Variants in C10orf67 observed in about 807,000 individuals in gnomAD.
C10orf67 encodes chromosome 10 open reading frame 67, also known as uncharacterized protein C10orf67, mitochondrial.
C10orf67 carries 60 observed loss-of-function variants against 35.6 expected under a neutral mutation model. The observed-to-expected ratio is 1.68, with a 90% CI of 1.37 to 2.09. C10orf67 has a LOEUF of 2.09. Ranked by LOEUF, C10orf67 falls within the 30% of genes most tolerant of loss-of-function variation. The pLI, the probability that C10orf67 is intolerant of heterozygous loss-of-function variation, is 0.00. For missense variants in C10orf67, 474 were observed against 330.2 expected (o/e 1.44, Z -3.38); for synonymous variants, 167 against 115.8 (o/e 1.44, Z -2.84).
At chr10:23,249,131 C>CAAAAAAAAAAAA (rs57702096) in intron 12 of C10orf67, among the ~76,000 whole-genome samples, 4 of 21,558 alleles carry the variant, frequency 1.9e-4, no homozygotes, top group Non-Finnish European at 2.0e-4. Flanking sequence ...AACTCCCTCT[C>CAAAAAAAAAAAA]AAAAAAAAAA....
chr10:23,265,208 C>T (rs1323018547), intron 10 of C10orf67, among the ~76,000 whole-genome samples: 1 of 152,240 alleles, frequency 6.6e-6, no homozygotes, highest in Non-Finnish European at 1.5e-5. Flanking sequence ...CAAGCCTGGC[C>T]TTGCTCTACT....
chr10:23,293,645 A>T (rs1348793306), intron 5 of C10orf67, among the ~76,000 whole-genome samples: 2 of 152,230 alleles, frequency 1.3e-5, no homozygotes, highest in African/African-American at 4.8e-5. Context: ...GCAATCCATG[A>T]TCATTCTGGA....
chr10:23,279,952 G>T (rs1843318866), intron 8 of C10orf67, among the ~76,000 whole-genome samples: 1 of 152,090 alleles, frequency 6.6e-6, no homozygotes, highest in Non-Finnish European at 1.5e-5. Context: ...AGGCTCAAGT[G>T]ATCCTCACAC....
In C10orf67 at chr10:23,344,629, C is replaced by G; in HGVS notation, c.146G>C (p.Cys49Ser). The stretch of plus-strand genomic sequence containing the variant: ...CCGAGCTTCTCGCTTCCTACGCGCG[C>G]AGCAGACCCGCAGCTCGGTGGCCTT... ...KAKATELRVC[C>S]ARRKREAREF... Residue 49 changes from cysteine (C) to serine (S), a missense_variant, in exon 1 of 16, where the codon TGC becomes TCC. Cys to Ser is a moderately radical substitution (Grantham distance 112). Transcript: ENST00000636213. The G allele has an allele frequency of 6.3e-7, 1 of 1,584,730 alleles. No individual in the cohort carries two copies. The highest frequency in any genetic ancestry group is 8.6e-7 in the Non-Finnish European group (1 of 1,166,120).
chr10:23,336,075 GTGGGTCAGT>G (rs1238068116), intron 1 of C10orf67, among the ~76,000 whole-genome samples: 1 of 152,210 alleles, frequency 6.6e-6, no homozygotes, highest in Non-Finnish European at 1.5e-5. Flanking sequence ...GGCTAAGAAT[GTGGGTCAGT>G]TGGGGGAACA....
chr10:23,224,688 GT>G lies in C10orf67; in HGVS notation c.1435-871del, dbSNP rs557842133. On this transcript the variant is annotated intron_variant, in intron 13 of 15. Coordinates refer to ENST00000636213, the MANE Select transcript of C10orf67 (RefSeq NM_001371909.1). ...TAGTGTAGAGAAGTCCTTAAAGGAC[GT>G]GATGGAGCTGAAAACCATGGCACAA... Among the ~76,000 whole-genome samples the G allele has an allele frequency of 3.0e-3, 457 of 152,288 alleles. 4 individuals carry two copies. The highest frequency in any genetic ancestry group is 0.01 in the African/African-American group (436 of 41,562).
chr10:23,275,661 G>T (rs566042665), intron 8 of C10orf67, among the ~76,000 whole-genome samples: 2 of 152,086 alleles, frequency 1.3e-5, no homozygotes, highest in Non-Finnish European at 2.9e-5. Context: ...TCTGTTTAGT[G>T]CAGATGAGTA....
intron 10 of C10orf67, among the ~76,000 whole-genome samples, chr10:23,264,680 C>A (rs1842840035): frequency 6.6e-6 from 1 of 152,194 alleles, no homozygotes; most frequent in South Asian, 2.1e-4. Context: ...AGCTGGAATT[C>A]TAGGATTTAG....
At chr10:23,286,420 GGAGGGGAGGGGAGGGAGGGGAGGT>G (rs1387083009) in intron 7 of C10orf67, among the ~76,000 whole-genome samples, 1 of 53,928 alleles carries the variant, frequency 1.9e-5, no homozygotes, top group Non-Finnish European at 3.8e-5. Context: ...GGAGGGGAGG[GGAGGGGAGGGGAGGGAGGGGAGGT>G]GAGGGGAGGG....
In C10orf67 at chr10:23,344,629, C is replaced by A. The variant is rs1846069458; in HGVS notation, c.146G>T (p.Cys49Phe). Residue 49 changes from cysteine (C) to phenylalanine (F), a missense_variant, in exon 1 of 16, where the codon TGC becomes TTC. By Grantham distance (205) the Cys-to-Phe change is radical. Coordinates refer to ENST00000636213, the MANE Select transcript of C10orf67 (RefSeq NM_001371909.1). Reference sequence around the variant, plus strand: ...CCGAGCTTCTCGCTTCCTACGCGCGCAGCAGACCCGCAGCTCGGTGGCCTT... The same window carrying A: ...CCGAGCTTCTCGCTTCCTACGCGCGAAGCAGACCCGCAGCTCGGTGGCCTT... ...KAKATELRVCCARRKREAREF... is the reference protein window; with the variant it reads ...KAKATELRVCFARRKREAREF... 1 of 1,584,730 alleles carries A rather than the reference C, an allele frequency of 6.3e-7. No homozygotes were observed. The highest frequency in any genetic ancestry group is 8.6e-7 in the Non-Finnish European group (1 of 1,166,120).
chr10:23,214,252 TAA>T (rs1172077522), intron 15 of C10orf67, among the ~76,000 whole-genome samples: 1 of 152,046 alleles, frequency 6.6e-6, no homozygotes, highest in Non-Finnish European at 1.5e-5. Flanking sequence ...TCAGAAAACA[TAA>T]GAGATTAGGC....
intron 12 of C10orf67, among the ~76,000 whole-genome samples, chr10:23,249,410 G>A (rs1842394518): frequency 6.6e-6 from 1 of 152,158 alleles, no homozygotes; most frequent in South Asian, 2.1e-4. Context: ...CAGGGCAGGT[G>A]TTAATATGCA....
chr10:23,240,221 C>G (rs1049820135), intron 12 of C10orf67, among the ~76,000 whole-genome samples: 1 of 152,086 alleles, frequency 6.6e-6, no homozygotes, highest in Non-Finnish European at 1.5e-5. Context: ...CACACACACA[C>G]AAACCACACA....
At chr10:23,265,280 G>T (rs57182217) in intron 10 of C10orf67, among the ~76,000 whole-genome samples, 206 of 152,346 alleles carry the variant, frequency 1.4e-3, no homozygotes, top group African/African-American at 4.9e-3. Flanking sequence ...GGCACGAGAG[G>T]TCTGCACCTT....
intron 15 of C10orf67, among the ~76,000 whole-genome samples, chr10:23,213,435 A>C (rs1841361432): frequency 6.6e-6 from 1 of 152,196 alleles, no homozygotes; most frequent in Middle Eastern, 3.2e-3. Flanking sequence ...AAATAACTAC[A>C]AATTATTGGA....
intron 15 of C10orf67, among the ~76,000 whole-genome samples, chr10:23,218,307 A>ATTTTTTTTT (rs371926193): frequency 8.4e-6 from 1 of 119,102 alleles, no homozygotes; most frequent in East Asian, 2.7e-4. Context: ...CACGAGGCTA[A>ATTTTTTTTT]TTTTTTTTTT....
At chr10:23,284,996 A>G (rs563743731) in intron 7 of C10orf67, among the ~76,000 whole-genome samples, 2 of 152,314 alleles carry the variant, frequency 1.3e-5, no homozygotes, top group African/African-American at 4.8e-5. Flanking sequence ...ACTAATAAAC[A>G]TTGCTGAACT....
At chr10:23,247,052 A>G (rs1292653374) in intron 12 of C10orf67, among the ~76,000 whole-genome samples, 1 of 152,214 alleles carries the variant, frequency 6.6e-6, no homozygotes, top group Non-Finnish European at 1.5e-5. Context: ...AAAGAGTCAA[A>G]AAGTTTTAAA....
intron 13 of C10orf67, among the ~76,000 whole-genome samples, chr10:23,227,270 A>C (rs1338805892): frequency 2.0e-5 from 3 of 152,220 alleles, no homozygotes; most frequent in Non-Finnish European, 2.9e-5. Context: ...CTGGGATGCA[A>C]GGCTGGTTCA....
Sources: gnomAD v4.1 joint callset for allele counts (sites outside exome capture counted in the v4.1 genomes callset) on GRCh38, gnomAD v4.1.1 for gene constraint, MANE v1.5 for transcripts, NCBI Gene and HGNC (gene_info 2026-07-23, HGNC 2026-07-21) for gene names.